ADAMTSL3: variants seen among roughly 807,000 people sequenced by gnomAD.
The protein encoded by ADAMTSL3 is ADAMTS like 3.
In ADAMTSL3, 128 loss-of-function variants were observed where a neutral mutation model predicts 201.7. That is an observed-to-expected ratio of 0.63 (90% CI 0.55 to 0.73). The LOEUF (loss-of-function observed/expected upper bound fraction) is 0.73, where lower values mean the gene tolerates loss of function less well. ADAMTSL3 is among the 30% of genes least tolerant of loss of function. ADAMTSL3 has a pLI of 0.00. For synonymous variants in ADAMTSL3, 738 were observed against 748.4 expected, an observed-to-expected ratio of 0.99 and a Z score of 0.23; for missense variants, 1,990 against 2,119.6, an observed-to-expected ratio of 0.94 and a Z score of 1.20.
At chr15:83,775,031 G>A (rs1057051513) in intron 4 of ADAMTSL3, among the ~76,000 whole-genome samples, 10 of 152,136 alleles carry the variant, frequency 6.6e-5, no homozygotes, top group African/African-American at 1.9e-4. Context: ...ATTTTTAATA[G>A]AGATGGGGTT....
chr15:83,826,036 A>G (rs929563222), intron 6 of ADAMTSL3, among the ~76,000 whole-genome samples: 3 of 152,232 alleles, frequency 2.0e-5, no homozygotes, highest in Middle Eastern at 3.2e-3. Flanking sequence ...AAGGTCAAGT[A>G]TGGGATAACA....
At chr15:83,878,593 G>A (rs1352053950) in intron 9 of ADAMTSL3, among the ~76,000 whole-genome samples, 2 of 145,702 alleles carry the variant, frequency 1.4e-5, no homozygotes, top group East Asian at 4.0e-4. Context: ...CAGCCTGGGT[G>A]ACAGAGTGAG....
chr15:83,698,398 T>A (rs1264992703), intron 2 of ADAMTSL3, among the ~76,000 whole-genome samples: 1 of 152,188 alleles, frequency 6.6e-6, no homozygotes, highest in African/African-American at 2.4e-5. Flanking sequence ...TCATAGTCCC[T>A]GGAGGTGCTG....
intron 4 of ADAMTSL3, among the ~76,000 whole-genome samples, chr15:83,801,558 A>G (rs2141852917): frequency 1.3e-5 from 2 of 148,448 alleles, no homozygotes; most frequent in South Asian, 4.3e-4. Flanking sequence ...ACAGAAAACT[A>G]AAATCTGTAG....
At chr15:83,713,462 G>A (rs2061959465) in intron 3 of ADAMTSL3, among the ~76,000 whole-genome samples, 2 of 152,150 alleles carry the variant, frequency 1.3e-5, no homozygotes, top group Non-Finnish European at 2.9e-5. Flanking sequence ...TGGACTTGCA[G>A]GTTTGCTATA....
chr15:83,867,705 C>T (rs1473859382), intron 8 of ADAMTSL3, among the ~76,000 whole-genome samples: 1 of 152,158 alleles, frequency 6.6e-6, no homozygotes, highest in Non-Finnish European at 1.5e-5. Context: ...CTATGTTAGC[C>T]ATGCTAAACA....
intron 3 of ADAMTSL3, among the ~76,000 whole-genome samples, chr15:83,753,762 A>T (rs1285786221): frequency 1.3e-5 from 2 of 152,062 alleles, no homozygotes; most frequent in Non-Finnish European, 2.9e-5. Flanking sequence ...TTCTATGGTT[A>T]TCTTGTGGTT....
At chr15:83,779,757 G>C (rs12595439) in intron 4 of ADAMTSL3, among the ~76,000 whole-genome samples, 40,283 of 143,312 alleles carry the variant, frequency 0.28, 5,671 homozygotes, top group South Asian at 0.56. Flanking sequence ...AATCAAATTA[G>C]AAAACAAGAC....
chr15:83,891,449 A>G (rs2065496929), intron 12 of ADAMTSL3, 70 bp downstream of exon 12: 2 of 1,270,638 alleles, frequency 1.6e-6, no homozygotes, highest in African/African-American at 1.5e-5. Flanking sequence ...ATCTGTAGCA[A>G]TAGCCTAAAA....
intron 22 of ADAMTSL3, 33 bp from the exon 23 acceptor site, chr15:83,991,053 C>T (rs775809960): frequency 6.2e-7 from 1 of 1,613,778 alleles, no homozygotes; most frequent in Non-Finnish European, 8.5e-7. Flanking sequence ...AAAGCCTGAA[C>T]CTAACATAGT....
At chr15:83,820,212 GCAAATA>G (rs1403337745) in intron 6 of ADAMTSL3, among the ~76,000 whole-genome samples, 165 bp downstream of exon 6, 19 of 152,200 alleles carry the variant, frequency 1.2e-4, no homozygotes, top group Admixed American at 1.1e-3. Context: ...TTTTTATACA[GCAAATA>G]CAAATACAAA....
chr15:83,934,250 T>A (rs2066419988), intron 17 of ADAMTSL3, among the ~76,000 whole-genome samples: 2 of 152,250 alleles, frequency 1.3e-5, no homozygotes, highest in Non-Finnish European at 2.9e-5. Context: ...TGCATCAGTG[T>A]GACCTGTATG....
intron 10 of ADAMTSL3, among the ~76,000 whole-genome samples, chr15:83,887,988 C>T (rs543021546): frequency 1.3e-5 from 2 of 152,310 alleles, no homozygotes. Context: ...AAGACACTTA[C>T]TACTCCAGAG....
chr15:83,674,835 G>A (rs1046984796), intron 2 of ADAMTSL3, among the ~76,000 whole-genome samples: 4 of 143,972 alleles, frequency 2.8e-5, no homozygotes, highest in African/African-American at 7.6e-5. Context: ...CCTATAGGTC[G>A]CTTTTGGGGG....
Position 83,838,130 on chromosome 15 carries a change from G to A in ADAMTSL3, c.642G>A (p.Glu214=). 1 of 1,613,116 alleles carries A rather than the reference G, an allele frequency of 6.2e-7. No individual in the cohort carries two copies. Among genetic ancestry groups the A allele is most frequent in the Non-Finnish European group, 8.5e-7 (1 of 1,179,662 alleles). Reference sequence around the variant, plus strand: ...GGCAACTGGGAAGCAATGCCAAGGAGGACAACTGTGGAGTCTGTGCCGGCG... The same window carrying A: ...GGCAACTGGGAAGCAATGCCAAGGAAGACAACTGTGGAGTCTGTGCCGGCG... ...CDRQLGSNAK[E]DNCGVCAGDG... is the part of the protein sequence containing the mutation. The change falls in exon 7 of 30, where the codon GAG becomes GAA. Residue 214 remains glutamate (E), a synonymous_variant. Coordinates refer to ENST00000286744, the MANE Select transcript of ADAMTSL3 (RefSeq NM_207517.3).
intron 3 of ADAMTSL3, among the ~76,000 whole-genome samples, chr15:83,747,955 G>A (rs1327290232): frequency 1.3e-5 from 2 of 151,698 alleles, no homozygotes; most frequent in African/African-American, 4.8e-5. Flanking sequence ...CTCTCAGCAA[G>A]TGTCTGCTTG....
intron 17 of ADAMTSL3, among the ~76,000 whole-genome samples, chr15:83,937,548 C>A (rs988352991): frequency 6.6e-6 from 1 of 150,756 alleles, no homozygotes; most frequent in Non-Finnish European, 1.5e-5. Flanking sequence ...TGAAAAAGTA[C>A]CTACCAGGTA....
chr15:83,714,877 C>T lies in ADAMTSL3; in HGVS notation c.189+10369C>T, dbSNP rs1430913560. ...CCCTCCCTCCCTCCCTCCCTCCCTC[C>T]CTTCCTTCCTTCCTTCCTTCCTTCC... On this transcript the variant is annotated intron_variant, in intron 3 of 29. Coordinates refer to ENST00000286744, the MANE Select transcript of ADAMTSL3 (RefSeq NM_207517.3). Among the ~76,000 whole-genome samples the T allele has an allele frequency of 4.3e-3, 39 of 8,974 alleles. 1 individual carries two copies. The highest frequency in any genetic ancestry group is 0.019 in the East Asian group (1 of 52). 5.9% of individuals were successfully genotyped at this position (8,974 alleles called of 152,430 possible).
At chr15:83,755,348 C>G (rs2062703183) in intron 3 of ADAMTSL3, among the ~76,000 whole-genome samples, 1 of 152,172 alleles carries the variant, frequency 6.6e-6, no homozygotes, top group Admixed American at 6.5e-5. Context: ...ACCATCACCA[C>G]CATCCATCTT....
Sources: allele counts gnomAD v4.1 joint callset (sites outside exome capture counted in the v4.1 genomes callset), GRCh38; gene constraint gnomAD v4.1.1; transcripts MANE v1.5; gene names NCBI Gene and HGNC (gene_info 2026-07-23, HGNC 2026-07-21).